Variants in STAT3 observed in about 807,000 individuals in gnomAD.
The protein encoded by STAT3 is DNA-binding protein APRF.
In STAT3, 7 loss-of-function variants were observed where a neutral mutation model predicts 114.3. The observed-to-expected ratio is 0.06, with a 90% confidence interval of 0.03 to 0.11. The LOEUF (loss-of-function observed/expected upper bound fraction) is 0.11. Among genes scored for constraint, STAT3 ranks in the 10% least tolerant of loss-of-function variants. The pLI is 1.00. For synonymous variants in STAT3, 331 were observed against 354.5 expected, an observed-to-expected ratio of 0.93 and a Z score of 0.74; for missense variants, 364 against 960.9, an observed-to-expected ratio of 0.38 and a Z score of 8.21.
In STAT3 at chr17:42,322,589, A is replaced by T. The variant is rs111795243; in HGVS notation, c.1889-95T>A. 33 of 1,362,804 alleles carry T rather than the reference A, an allele frequency of 2.4e-5. 3 individuals are homozygous for T. The highest frequency in any genetic ancestry group is 1.9e-4 in the Middle Eastern group (1 of 5,298). The allele number at this position is 1,362,804 out of a possible 1,614,324, so 84.4% of individuals were successfully genotyped here. ...TTTTTCTTTCCTCGAAGGGGAAAAG[A>T]CTTAAGCCACCCTAGTGTTGAGACC... On this transcript the variant is annotated intron_variant, in intron 20 of 23. Coordinates refer to ENST00000264657, the MANE Select transcript of STAT3 (RefSeq NM_139276.3).
At chr17:42,323,879 T>TGGTTCC (rs2081588645) in intron 17 of STAT3, among the ~76,000 whole-genome samples, 1 of 152,108 alleles carries the variant, frequency 6.6e-6, no homozygotes, top group South Asian at 2.1e-4. Flanking sequence ...CTTCCCAACC[T>TGGTTCC]CGGGTGGTAG....
intron 21 of STAT3, among the ~76,000 whole-genome samples, chr17:42,321,150 T>TGC (rs2144666318): frequency 6.8e-6 from 1 of 147,034 alleles, no homozygotes; most frequent in Non-Finnish European, 1.5e-5. Flanking sequence ...GTCAAGGTCT[T>TGC]GCTCTGTCAC....
chr17:42,315,954 A>AC, intron 23 of STAT3, 154 bp from the exon 24 acceptor site: 1 of 1,524,522 alleles, frequency 6.6e-7, no homozygotes, highest in South Asian at 1.2e-5. Context: ...AGCCAGATTT[A>AC]CCCTCCTCCC....
chr17:42,318,832 A>G (rs1227908515), intron 21 of STAT3, among the ~76,000 whole-genome samples: 1 of 152,238 alleles, frequency 6.6e-6, no homozygotes, highest in African/African-American at 2.4e-5. Context: ...AATTCAGTGC[A>G]GAATTCAAAG....
intron 1 of STAT3, among the ~76,000 whole-genome samples, chr17:42,378,104 G>A (rs945785619): frequency 3.3e-5 from 5 of 150,478 alleles, no homozygotes; most frequent in African/African-American, 9.8e-5. Flanking sequence ...TCCTGCCTCA[G>A]CCTCCTGAGT....
chr17:42,329,783 G>T lies in STAT3; in HGVS notation c.1110-7C>A. The T allele has an allele frequency of 6.2e-7, 1 of 1,614,142 alleles. No homozygotes were observed. ...TGCAACGTCCCCAGAGTCTCTGTAAGAACACAGACTGTTGTTAATAAAATA... is the reference window on the plus strand; with the variant it reads ...TGCAACGTCCCCAGAGTCTCTGTAATAACACAGACTGTTGTTAATAAAATA... On this transcript the variant is annotated splice_polypyrimidine_tract_variant and splice_region_variant and intron_variant, in intron 11 of 23. Coordinates refer to ENST00000264657, the MANE Select transcript of STAT3 (RefSeq NM_139276.3).
chr17:42,320,643 T>C (rs2081431624), intron 21 of STAT3, among the ~76,000 whole-genome samples: 1 of 150,220 alleles, frequency 6.7e-6, no homozygotes, highest in Non-Finnish European at 1.5e-5. Context: ...GGCAGGAGAA[T>C]TGCTTGAACC....
chr17:42,355,347 C>G (rs2083178851), intron 1 of STAT3, among the ~76,000 whole-genome samples: 1 of 152,106 alleles, frequency 6.6e-6, no homozygotes. Flanking sequence ...CTTCATTGAG[C>G]CCCAGAACAC....
At chr17:42,368,728 C>T (rs952102067) in intron 1 of STAT3, among the ~76,000 whole-genome samples, 53 of 150,872 alleles carry the variant, frequency 3.5e-4, no homozygotes, top group African/African-American at 1.2e-3. Flanking sequence ...CCAATGCAAC[C>T]AGCCTTTTTT....
Position 42,331,450 on chromosome 17 carries a change from G to C in STAT3, c.1109+22C>G, listed in dbSNP as rs745927949. 1.7e-5 allele frequency: 28 copies of C among 1,600,674 alleles called. No homozygotes were observed. The South Asian group carries it at 2.9e-4, about 16-fold the overall frequency. On this transcript the variant is annotated intron_variant, in intron 11 of 23. Transcript: ENST00000264657. The stretch of plus-strand genomic sequence containing the variant: ...TTTTCTATTCCTCATTTGAAAAACA[G>C]AGCTAAGATAGGAGTACTTACTTGT...
intron 21 of STAT3, among the ~76,000 whole-genome samples, chr17:42,319,996 C>A (rs1303470508): frequency 6.6e-6 from 1 of 152,108 alleles, no homozygotes; most frequent in East Asian, 1.9e-4. Flanking sequence ...TCCCAGCCCA[C>A]AGGAAGGGCG....
intron 1 of STAT3, among the ~76,000 whole-genome samples, chr17:42,384,615 C>A (rs1398340201): frequency 6.6e-6 from 1 of 151,490 alleles, no homozygotes; most frequent in Non-Finnish European, 1.5e-5. Flanking sequence ...AGTGCGGTGG[C>A]GGGATCACGG....
chr17:42,376,400 A>C (rs1206229139), intron 1 of STAT3, among the ~76,000 whole-genome samples: 1 of 151,924 alleles, frequency 6.6e-6, no homozygotes, highest in Non-Finnish European at 1.5e-5. Context: ...TACAAAAATT[A>C]GCTGTGCGTG....
chr17:42,316,439 G>A (rs767831411), intron 23 of STAT3: 111 of 402,464 alleles, frequency 2.8e-4, no homozygotes, highest in Middle Eastern at 1.7e-3. Flanking sequence ...GACTGGTCTC[G>A]AACTCCTGAC....
rs548367873 is a variant in STAT3 at position 42,324,302 on chromosome 17, G to C, written c.1600+409C>G. 2.0e-5 allele frequency among the ~76,000 whole-genome samples: 3 copies of C among 152,016 alleles called. No individual in the cohort carries two copies. Among genetic ancestry groups the C allele is most frequent in the Non-Finnish European group, 4.4e-5 (3 of 68,006 alleles). ...CTACTGCACTCCAGCCTGGGCAACA[G>C]AGCAAGACTCGTCTCAAAAAAATAA... is the stretch of plus-strand genomic sequence containing the variant. On this transcript the variant is annotated intron_variant, in intron 17 of 23. Transcript: ENST00000264657. This position sits in a 1 kb window ranked among gnomAD's most constrained non-coding sequence, Gnocchi z 4.5.
chr17:42,323,602 A>G lies in STAT3; in HGVS notation c.1624T>C (p.Cys542Arg). 6.2e-7 allele frequency: 1 copy of G among 1,611,596 alleles called. No individual in the cohort carries two copies. Among genetic ancestry groups the G allele is most frequent in the Non-Finnish European group, 8.5e-7 (1 of 1,179,918 alleles). ...CAAAATTTAGCCCATGTGATCTGAC[A>G]CCCTGAATAATTCACACCAGGTCCT... ...LLGPGVNYSGCQITWAKFCKE... is the reference protein window; with the variant it reads ...LLGPGVNYSGRQITWAKFCKE... The change falls in exon 18 of 24, where the codon TGT becomes CGT. Residue 542 changes from cysteine (C) to arginine (R), a missense_variant. Transcript: ENST00000264657.
At chr17:42,384,448 C>A (rs1323633096) in intron 1 of STAT3, among the ~76,000 whole-genome samples, 2 of 151,952 alleles carry the variant, frequency 1.3e-5, no homozygotes, top group Non-Finnish European at 2.9e-5. Flanking sequence ...GTTTTAAAAG[C>A]TTCCCCTACA....
At chr17:42,387,120 C>T (rs909747484) in intron 1 of STAT3, 1 of 152,156 alleles carries the variant, frequency 6.6e-6, no homozygotes, top group African/African-American at 2.4e-5. Context: ...CTATGTAAAC[C>T]TTTAGTTGCA....
intron 6 of STAT3, 58 bp downstream of exon 6, chr17:42,338,673 C>T: frequency 1.3e-6 from 2 of 1,512,090 alleles, no homozygotes; most frequent in Non-Finnish European, 1.8e-6. Context: ...ATGAGTCTTT[C>T]AACTCAACAA....
Sources: allele counts gnomAD v4.1 joint callset (sites outside exome capture counted in the v4.1 genomes callset), GRCh38; gene constraint gnomAD v4.1.1; non-coding constraint Gnocchi (gnomAD v3.1); transcripts MANE v1.5; gene names NCBI Gene and HGNC (gene_info 2026-07-23, HGNC 2026-07-21).